The following FERMT2 variants were observed in gnomAD, a reference collection of about 807,000 sequenced individuals.
The protein encoded by FERMT2 is FERM domain containing kindlin 2.
In FERMT2, 15 loss-of-function variants were observed where a neutral mutation model predicts 82.7. The observed-to-expected ratio is 0.18, with a 90% CI of 0.12 to 0.28. FERMT2 has a LOEUF of 0.28. Ranked by LOEUF, FERMT2 falls within the 10% of genes least tolerant of loss-of-function variation. FERMT2 has a pLI of 1.00. For synonymous variants in FERMT2, 274 were observed against 271.5 expected (o/e 1.01, Z -0.09); for missense variants, 645 against 809.4 (o/e 0.80, Z 2.46).
chr14:52,932,077 CTT>C (rs1245808570), intron 2 of FERMT2, among the ~76,000 whole-genome samples: 2 of 152,196 alleles, frequency 1.3e-5, no homozygotes, highest in African/African-American at 2.4e-5. Context: ...ATTATAATCT[CTT>C]TGTTTTATAG....
chr14:52,891,120 G>C (rs1886915356), intron 4 of FERMT2, among the ~76,000 whole-genome samples: 1 of 152,148 alleles, frequency 6.6e-6, no homozygotes. Flanking sequence ...ATGTTCCAAT[G>C]TTATCCTGAA....
At chr14:52,938,129 A>T (rs772431619) in intron 2 of FERMT2, among the ~76,000 whole-genome samples, 4 of 152,254 alleles carry the variant, frequency 2.6e-5, no homozygotes, top group Non-Finnish European at 4.4e-5. Flanking sequence ...ATTCAAACCC[A>T]GTCAGTGACT....
At chr14:52,921,339 T>C (rs1013188606) in intron 2 of FERMT2, among the ~76,000 whole-genome samples, 3 of 152,242 alleles carry the variant, frequency 2.0e-5, no homozygotes, top group East Asian at 1.9e-4. Context: ...TATTACCATT[T>C]TGAAATTTCA....
chr14:52,904,079 A>C (rs1303015281), intron 3 of FERMT2, among the ~76,000 whole-genome samples: 1 of 152,268 alleles, frequency 6.6e-6, no homozygotes, highest in East Asian at 1.9e-4. Context: ...CAAAGATGGG[A>C]AAACTGCTTG....
At chr14:52,912,876 A>T (rs922451270) in intron 3 of FERMT2, among the ~76,000 whole-genome samples, 2 of 151,882 alleles carry the variant, frequency 1.3e-5, no homozygotes, top group Non-Finnish European at 2.9e-5. Flanking sequence ...TTATTCCATC[A>T]TTTTTTTCCT....
chr14:52,938,751 G>C (rs1889961543), intron 2 of FERMT2, among the ~76,000 whole-genome samples: 1 of 152,034 alleles, frequency 6.6e-6, no homozygotes, highest in African/African-American at 2.4e-5. Context: ...ATTTTTAGTA[G>C]AGTCAGGGTT....
chr14:52,894,506 C>T (rs893479386), intron 3 of FERMT2, among the ~76,000 whole-genome samples: 5 of 152,110 alleles, frequency 3.3e-5, no homozygotes, highest in African/African-American at 1.2e-4. Context: ...CTTACACTAA[C>T]TGATTTTAAG....
At chr14:52,891,986 G>A (rs933661174) in intron 4 of FERMT2, among the ~76,000 whole-genome samples, 1 of 152,050 alleles carries the variant, frequency 6.6e-6, no homozygotes, top group Non-Finnish European at 1.5e-5. Flanking sequence ...AGAACACACA[G>A]TATAACAATA....
chr14:52,859,873 A>G, intron 13 of FERMT2, 159 bp from the exon 14 acceptor site: 2 of 403,498 alleles, frequency 5.0e-6, no homozygotes, highest in Non-Finnish European at 8.6e-6. Context: ...GCTGGAGTGC[A>G]GTGGCGCGAT....
chr14:52,894,817 A>G (rs1397486978), intron 3 of FERMT2, among the ~76,000 whole-genome samples: 1 of 151,972 alleles, frequency 6.6e-6, no homozygotes, highest in African/African-American at 2.4e-5. Flanking sequence ...AGAAAGCATA[A>G]GACGACAAAG....
chr14:52,925,155 G>A (rs1286700254), intron 2 of FERMT2, among the ~76,000 whole-genome samples: 3 of 152,108 alleles, frequency 2.0e-5, no homozygotes, highest in African/African-American at 7.2e-5. Context: ...TTCATTAGTA[G>A]CAAAAACAAA....
At chr14:52,891,067 T>C (rs772977404) in intron 4 of FERMT2, among the ~76,000 whole-genome samples, 20 of 152,220 alleles carry the variant, frequency 1.3e-4, no homozygotes, top group Non-Finnish European at 2.5e-4. Context: ...AAACCAATGG[T>C]TCTACAATGC....
intron 3 of FERMT2, among the ~76,000 whole-genome samples, chr14:52,911,516 T>C (rs2139613157): frequency 6.6e-6 from 1 of 152,108 alleles, no homozygotes; most frequent in East Asian, 1.9e-4. Context: ...CTGGGCGTGG[T>C]GGCGAGCGCC....
At chr14:52,918,480 T>C (rs551010015) in intron 3 of FERMT2, among the ~76,000 whole-genome samples, 181 of 152,334 alleles carry the variant, frequency 1.2e-3, no homozygotes, top group Middle Eastern at 6.8e-3. Context: ...TTATTTGGAA[T>C]TAAAATATGA....
chr14:52,926,197 T>G (rs1246337408), intron 2 of FERMT2, among the ~76,000 whole-genome samples: 1 of 152,156 alleles, frequency 6.6e-6, no homozygotes, highest in East Asian at 1.9e-4. Context: ...ACTGTATCAC[T>G]AAAGTAGTGG....
At chr14:52,939,823 A>C (rs1210536909) in intron 2 of FERMT2, among the ~76,000 whole-genome samples, 1 of 152,156 alleles carries the variant, frequency 6.6e-6, no homozygotes, top group African/African-American at 2.4e-5. Flanking sequence ...AGTTATTTTT[A>C]ATTTCAAAGG....
chr14:52,877,119 C>T (rs192106167), intron 7 of FERMT2, among the ~76,000 whole-genome samples: 33 of 152,204 alleles, frequency 2.2e-4, no homozygotes, highest in South Asian at 8.3e-4. Flanking sequence ...TTTACAAACA[C>T]GTTTTGAGCA....
At chr14:52,898,101 G>C (rs1405874672) in intron 3 of FERMT2, among the ~76,000 whole-genome samples, 1 of 151,826 alleles carries the variant, frequency 6.6e-6, no homozygotes, top group African/African-American at 2.4e-5. Context: ...TCTGAAACCT[G>C]AAAATGGAAT....
At chr14:52,895,550 T>A (rs1887207833) in intron 3 of FERMT2, among the ~76,000 whole-genome samples, 1 of 152,172 alleles carries the variant, frequency 6.6e-6, no homozygotes. Context: ...ACTCTCAAAT[T>A]TATTATATTA....
Sources: allele counts gnomAD v4.1 joint callset (sites outside exome capture counted in the v4.1 genomes callset), GRCh38; gene constraint gnomAD v4.1.1; transcripts MANE v1.5; gene names NCBI Gene and HGNC (gene_info 2026-07-23, HGNC 2026-07-21).